Variants in NUBPL observed in about 807,000 individuals in gnomAD.
NUBPL encodes the protein NUBP iron-sulfur cluster assembly factor, mitochondrial.
A neutral mutation model predicts 45.7 loss-of-function variants in NUBPL; 31 were observed. That is an observed-to-expected ratio of 0.68 (90% CI 0.51 to 0.92). The LOEUF (loss-of-function observed/expected upper bound fraction) is 0.92, where lower values mean the gene tolerates loss of function less well. Among genes scored for constraint, NUBPL ranks in the 40% least tolerant of loss-of-function variants. The pLI is 0.00. For synonymous variants in NUBPL, 144 were observed against 140.9 expected, an observed-to-expected ratio of 1.02 and a Z score of -0.15; for missense variants, 401 against 398.7, an observed-to-expected ratio of 1.01 and a Z score of -0.05.
At chr14:31,688,814 C>A (rs1180269356) in intron 6 of NUBPL, among the ~76,000 whole-genome samples, 1 of 151,904 alleles carries the variant, frequency 6.6e-6, no homozygotes, top group Non-Finnish European at 1.5e-5. Flanking sequence ...CTCCCTCCTC[C>A]CGCCCTCCAC....
chr14:31,768,768 A>G (rs1294309013), intron 6 of NUBPL, among the ~76,000 whole-genome samples: 1 of 152,178 alleles, frequency 6.6e-6, no homozygotes, highest in East Asian at 1.9e-4. Context: ...ACTTACCCAA[A>G]ACACCCATTG....
At chr14:31,834,873 T>A (rs2138994360) in intron 8 of NUBPL, among the ~76,000 whole-genome samples, 1 of 152,332 alleles carries the variant, frequency 6.6e-6, no homozygotes, top group Middle Eastern at 3.4e-3. Context: ...CCAGAGCCCG[T>A]ATTCTTAACT....
intron 6 of NUBPL, among the ~76,000 whole-genome samples, chr14:31,679,426 A>T (rs1172541377): frequency 6.6e-6 from 1 of 152,092 alleles, no homozygotes; most frequent in East Asian, 1.9e-4. Context: ...TCTGTCTTGT[A>T]CATCTTGAAT....
At chr14:31,764,339 C>T (rs2038872296) in intron 6 of NUBPL, among the ~76,000 whole-genome samples, 1 of 152,118 alleles carries the variant, frequency 6.6e-6, no homozygotes, top group African/African-American at 2.4e-5. Context: ...AAGGGATGTA[C>T]TAATTGGTTT....
intron 3 of NUBPL, among the ~76,000 whole-genome samples, chr14:31,590,878 A>T (rs2034123705): frequency 6.6e-6 from 1 of 151,994 alleles, no homozygotes; most frequent in Non-Finnish European, 1.5e-5. Context: ...CTTTTATTTT[A>T]TTTTTTTAAA....
At chr14:31,600,022 A>C (rs2034388067) in intron 4 of NUBPL, among the ~76,000 whole-genome samples, 1 of 151,250 alleles carries the variant, frequency 6.6e-6, no homozygotes, top group African/African-American at 2.4e-5. Flanking sequence ...CCTGGGTTCA[A>C]GTGATTCTCC....
chr14:31,760,067 A>C (rs923371930), intron 6 of NUBPL, among the ~76,000 whole-genome samples: 1 of 150,610 alleles, frequency 6.6e-6, no homozygotes, highest in Non-Finnish European at 1.5e-5. Context: ...TCACCACTAG[A>C]GTTGTACAAT....
At chr14:31,827,790 A>C (rs1285051989) in intron 8 of NUBPL, among the ~76,000 whole-genome samples, 2 of 152,238 alleles carry the variant, frequency 1.3e-5, no homozygotes, top group African/African-American at 2.4e-5. Flanking sequence ...TTCTTCAGTG[A>C]GACCATGACA....
intron 7 of NUBPL, among the ~76,000 whole-genome samples, chr14:31,816,373 G>A (rs972493485): frequency 4.6e-5 from 7 of 152,184 alleles, no homozygotes; most frequent in South Asian, 2.1e-4. Context: ...GATCAGTGGT[G>A]ATATCCCCTT....
chr14:31,753,283 G>A (rs1377963901), intron 6 of NUBPL, among the ~76,000 whole-genome samples: 4 of 152,074 alleles, frequency 2.6e-5, no homozygotes, highest in Admixed American at 6.5e-5. Flanking sequence ...TGGCAGGTGG[G>A]CCAGGCCTCA....
intron 6 of NUBPL, among the ~76,000 whole-genome samples, chr14:31,774,814 A>G (rs773364354): frequency 3.9e-5 from 6 of 152,180 alleles, no homozygotes; most frequent in African/African-American, 9.7e-5. Flanking sequence ...GATGTAATCA[A>G]TCATGCCCTC....
intron 6 of NUBPL, among the ~76,000 whole-genome samples, chr14:31,707,394 T>A (rs1213548595): frequency 6.6e-6 from 1 of 152,234 alleles, no homozygotes; most frequent in African/African-American, 2.4e-5. Flanking sequence ...TACTTCCATC[T>A]CTCTTTCTTT....
intron 7 of NUBPL, among the ~76,000 whole-genome samples, chr14:31,793,839 T>TTTTC (rs1465635905): frequency 1.6e-5 from 2 of 124,802 alleles, no homozygotes; most frequent in African/African-American, 1.0e-4. Flanking sequence ...TTTTTTTTTT[T>TTTTC]TATTTTTTTT....
At chr14:31,611,686 G>A (rs1216306294) in intron 4 of NUBPL, among the ~76,000 whole-genome samples, 1 of 152,202 alleles carries the variant, frequency 6.6e-6, no homozygotes, top group Non-Finnish European at 1.5e-5. Flanking sequence ...CAGAGCTGTA[G>A]TAACCAAAAC....
At chr14:31,821,270 A>C (rs2040014070) in intron 7 of NUBPL, among the ~76,000 whole-genome samples, 1 of 152,212 alleles carries the variant, frequency 6.6e-6, no homozygotes, top group South Asian at 2.1e-4. Flanking sequence ...ATGGGAGAAA[A>C]TATTTGCAAA....
At chr14:31,840,443 G>A (rs146950537) in intron 8 of NUBPL, among the ~76,000 whole-genome samples, 1 of 152,054 alleles carries the variant, frequency 6.6e-6, no homozygotes, top group African/African-American at 2.4e-5. Flanking sequence ...ACGTGGTGGC[G>A]GGCGCCTGTA....
intron 6 of NUBPL, among the ~76,000 whole-genome samples, chr14:31,685,013 T>C (rs1233674682): frequency 6.6e-6 from 1 of 152,210 alleles, no homozygotes; most frequent in Non-Finnish European, 1.5e-5. Context: ...AGGATACTAA[T>C]GTCATGAAGA....
intron 4 of NUBPL, among the ~76,000 whole-genome samples, chr14:31,663,001 A>C (rs2036311672): frequency 6.6e-6 from 1 of 152,192 alleles, no homozygotes; most frequent in African/African-American, 2.4e-5. Flanking sequence ...AGTGATGATG[A>C]GCATTTTTTC....
intron 7 of NUBPL, among the ~76,000 whole-genome samples, chr14:31,816,629 C>G (rs368164513): frequency 1.3e-5 from 2 of 152,102 alleles, no homozygotes; most frequent in African/African-American, 4.8e-5. Flanking sequence ...GTTAGGGTGT[C>G]GATTTTAGAT....
Sources: allele counts gnomAD v4.1 joint callset (sites outside exome capture counted in the v4.1 genomes callset), GRCh38; gene constraint gnomAD v4.1.1; transcripts MANE v1.5; gene names NCBI Gene and HGNC (gene_info 2026-07-23, HGNC 2026-07-21).